The following WDR47 variants were observed in gnomAD, a reference collection of about 807,000 sequenced individuals.
WDR47 encodes the protein WD repeat-containing protein 47.
WDR47 carries 32 observed loss-of-function variants against 97.2 expected under a neutral mutation model. That is an observed-to-expected ratio of 0.33 (90% CI 0.25 to 0.44). The LOEUF is 0.44. Among genes scored for constraint, WDR47 ranks in the 20% least tolerant of loss-of-function variants. WDR47 has a pLI of 1.00. For synonymous variants in WDR47, 375 were observed against 373.5 expected (o/e 1.00, Z -0.05); for missense variants, 782 against 1,102.3 (o/e 0.71, Z 4.11).
At position 109,002,294 on chromosome 1, in the gene WDR47, GC is replaced by G; in HGVS notation, c.1362del (p.Leu454PhefsTer6). 6.2e-7 allele frequency: 1 copy of G among 1,612,696 alleles called. No homozygotes were observed. Among genetic ancestry groups the G allele is most frequent in the Non-Finnish European group, 8.5e-7 (1 of 1,179,770 alleles). ...EQQRQIYQQM[L>X]LEGGVNQEDG... ...TCCTCCTGATTCACGCCTCCTTCAAGCAACATCTGTTGGTATATCTGCCGCT... is the reference window on the plus strand; with the variant it reads ...TCCTCCTGATTCACGCCTCCTTCAAGAACATCTGTTGGTATATCTGCCGCT... On this transcript the variant is annotated frameshift_variant, in exon 7 of 15. Coordinates refer to ENST00000369962, the MANE Select transcript of WDR47 (RefSeq NM_001142551.2). LOFTEE classifies it high-confidence loss of function.
chr1:109,024,517 C>T (rs975273529), intron 1 of WDR47, among the ~76,000 whole-genome samples: 1 of 152,026 alleles, frequency 6.6e-6, no homozygotes, highest in African/African-American at 2.4e-5. Flanking sequence ...TATTTCAATA[C>T]TCTCTAAGCT....
At chr1:109,000,151 C>T (rs1660070174) in intron 7 of WDR47, among the ~76,000 whole-genome samples, 1 of 152,006 alleles carries the variant, frequency 6.6e-6, no homozygotes, top group Non-Finnish European at 1.5e-5. Flanking sequence ...TTCAAGGTTA[C>T]AGTGAGCTAT....
chr1:109,020,886 A>ATTTTTTT (rs36061329), intron 2 of WDR47, among the ~76,000 whole-genome samples: 1 of 142,514 alleles, frequency 7.0e-6, no homozygotes, highest in Non-Finnish European at 1.5e-5. Context: ...GGAACACTTC[A>ATTTTTTT]TTTTTTTTTT....
chr1:109,039,985 G>A (rs927804602), intron 1 of WDR47, among the ~76,000 whole-genome samples: 13 of 142,672 alleles, frequency 9.1e-5, no homozygotes, highest in African/African-American at 2.1e-4. Flanking sequence ...GCAGTGAGCC[G>A]AGATCATGCC....
intron 7 of WDR47, among the ~76,000 whole-genome samples, chr1:108,997,217 G>A (rs1659816030): frequency 6.6e-6 from 1 of 151,502 alleles, no homozygotes; most frequent in Non-Finnish European, 1.5e-5. Flanking sequence ...CTTGAGCTCG[G>A]GAGTTTGAGA....
chr1:108,988,522 T>C (rs970630671), intron 9 of WDR47, among the ~76,000 whole-genome samples: 2 of 149,382 alleles, frequency 1.3e-5, no homozygotes, highest in East Asian at 2.0e-4. Flanking sequence ...AAAAGAAAAA[T>C]AATACAAAAA....
In WDR47 at chr1:108,995,614, G is replaced by T. The variant is rs954075684; in HGVS notation, c.1657C>A (p.Pro553Thr). 1.9e-6 allele frequency: 3 copies of T among 1,614,006 alleles called. No individual in the cohort carries two copies. The African/African-American group carries it at 4.0e-5, about 22-fold the overall frequency. ...CCACAAGGTGATTCCTCCAGAAAAG[G>T]TATGTGATTTGTTGATCCAGGATTA... ...PRNPGSTNHI[P>T]FLEESPCGSQ... Residue 553 changes from proline to threonine, a missense_variant, in exon 8 of 15, where the codon CCT (proline) becomes ACT (threonine). Transcript: ENST00000369962.
rs1055547927 is a variant in WDR47 at position 108,971,190 on chromosome 1, C to G, written c.*240G>C. The stretch of plus-strand genomic sequence containing the variant: ...CACCAACAACTGAAGAGCTCTTCTG[C>G]AGACTTTGGCAACGAGACTACATAT... On this transcript the variant is annotated 3_prime_UTR_variant, in exon 15 of 15. Transcript: ENST00000369962. The G allele has an allele frequency of 4.2e-5, 19 of 450,088 alleles. No individual in the cohort carries two copies. The highest frequency in any genetic ancestry group is 3.3e-4 in the African/African-American group (17 of 51,254). The allele number at this position is 450,088 out of a possible 1,614,324, so 27.9% of individuals were successfully genotyped here. A position where few individuals can be genotyped will look rare whatever the true frequency, so the allele number is the denominator to read the frequency against.
rs1162405272 is a variant in WDR47, at chr1:108,994,004, T to TTA, written c.1691+1575_1691+1576insTA. On this transcript the variant is annotated intron_variant, in intron 8 of 14. Coordinates refer to ENST00000369962, the MANE Select transcript of WDR47 (RefSeq NM_001142551.2). ...ACTGATTTAAACAAAATCACACTGA[T>TTA]ACTGATTTAAACAAAAATTGATATA... Among the ~76,000 whole-genome samples, 9 of 152,340 alleles carry TTA rather than the reference T, an allele frequency of 5.9e-5. No individual in the cohort carries two copies. The South Asian group carries it at 1.9e-3, about 32-fold the overall frequency.
chr1:109,012,125 AT>A (rs1187963895), intron 4 of WDR47, among the ~76,000 whole-genome samples: 5 of 152,156 alleles, frequency 3.3e-5, no homozygotes, highest in African/African-American at 1.2e-4. Flanking sequence ...CAAATATATA[AT>A]TTTTTAACGG....
chr1:109,010,578 ATTTTTTTT>A (rs199821610), intron 5 of WDR47, among the ~76,000 whole-genome samples: 1 of 101,712 alleles, frequency 9.8e-6, no homozygotes, highest in African/African-American at 3.9e-5. Context: ...AGATTTCCTA[ATTTTTTTT>A]TTTTTTTTTT....
intron 2 of WDR47, among the ~76,000 whole-genome samples, 183 bp downstream of exon 2, chr1:109,023,172 C>T (rs1250223940): frequency 6.6e-6 from 1 of 151,880 alleles, no homozygotes; most frequent in African/African-American, 2.4e-5. Flanking sequence ...CACTGCACTC[C>T]AGCCTGGGTG....
intron 7 of WDR47, among the ~76,000 whole-genome samples, chr1:109,001,062 C>T (rs375920146): frequency 3.3e-5 from 5 of 151,854 alleles, no homozygotes; most frequent in South Asian, 4.2e-4. Flanking sequence ...TGGGAGTGGG[C>T]GGATCACTTG....
intron 2 of WDR47, among the ~76,000 whole-genome samples, chr1:109,021,391 G>A (rs1661825943): frequency 6.6e-6 from 1 of 151,988 alleles, no homozygotes; most frequent in South Asian, 2.1e-4. Context: ...AGCCGGACGT[G>A]GTGGTGTGCA....
In WDR47 at chr1:108,971,570, C is replaced by T; in HGVS notation, c.2620G>A (p.Asp874Asn). 1 of 1,613,934 alleles carries T rather than the reference C, an allele frequency of 6.2e-7. No individual in the cohort carries two copies. The change falls in exon 15 of 15, where the codon GAC (aspartate) becomes AAC (asparagine). Residue 874 changes from aspartate (D) to asparagine (N), a missense_variant and splice_region_variant. Around this residue, in one of 3 missense-constraint regions of WDR47, gnomAD observed 228 missense variants for 396.7 expected, o/e 0.57. Transcript: ENST00000369962. ...MKIKVTDLQG[D>N]LTKQLPIMVV... ...ATGATAGGAAGCTGCTTGGTGAGGTCCCCTAAATTACAAAAGAGATGTTGA... is the reference window on the plus strand; with the variant it reads ...ATGATAGGAAGCTGCTTGGTGAGGTTCCCTAAATTACAAAAGAGATGTTGA...
chr1:109,013,956 C>A, intron 3 of WDR47, 31 bp from the exon 4 acceptor site: 1 of 1,513,238 alleles, frequency 6.6e-7, no homozygotes, highest in Non-Finnish European at 9.1e-7. Flanking sequence ...ATTAATTTTT[C>A]CAATGTCTGA....
intron 5 of WDR47, among the ~76,000 whole-genome samples, chr1:109,009,815 T>C (rs932390157): frequency 2.8e-4 from 42 of 152,074 alleles, no homozygotes; most frequent in African/African-American, 9.9e-4. Context: ...CTGGCCAACG[T>C]GGTAAAACCT....
chr1:109,035,920 C>T (rs562540920), intron 1 of WDR47, among the ~76,000 whole-genome samples: 14 of 151,976 alleles, frequency 9.2e-5, no homozygotes, highest in African/African-American at 2.2e-4. Flanking sequence ...CAAACTCCTG[C>T]GCTCAAGCAA....
At chr1:109,021,807 G>GT (rs1290405631) in intron 2 of WDR47, among the ~76,000 whole-genome samples, 1 of 151,622 alleles carries the variant, frequency 6.6e-6, no homozygotes, top group Non-Finnish European at 1.5e-5. Flanking sequence ...GATTACAGGC[G>GT]TAAGCCACCA....
Sources: gnomAD v4.1 joint callset for allele counts (sites outside exome capture counted in the v4.1 genomes callset) on GRCh38, gnomAD v4.1.1 for gene constraint, gnomAD v4.1.1 regional missense constraint, MANE v1.5 for transcripts, NCBI Gene and HGNC (gene_info 2026-07-23, HGNC 2026-07-21) for gene names.